The following NDST3 variants were observed in gnomAD, a reference collection of about 807,000 sequenced individuals.
NDST3 encodes bifunctional heparan sulfate N-deacetylase/N-sulfotransferase 3.
A neutral mutation model predicts 96.1 loss-of-function variants in NDST3; 58 were observed. The observed-to-expected ratio is 0.60, with a 90% confidence interval of 0.49 to 0.75. The LOEUF is 0.75. Ranked by LOEUF, NDST3 falls within the 30% of genes least tolerant of loss-of-function variation. The pLI is 0.00. For missense variants in NDST3, 788 were observed against 1,034.2 expected (o/e 0.76, Z 3.27); for synonymous variants, 333 against 359.7 (o/e 0.93, Z 0.84).
intron 6 of NDST3, among the ~76,000 whole-genome samples, chr4:118,218,742 A>G (rs946906037): frequency 6.6e-6 from 1 of 152,146 alleles, no homozygotes; most frequent in African/African-American, 2.4e-5. Flanking sequence ...GGAAGAGAGG[A>G]AGTCAAATTG....
intron 12 of NDST3, among the ~76,000 whole-genome samples, chr4:118,247,034 C>T (rs545599743): frequency 1.3e-5 from 2 of 152,220 alleles, no homozygotes; most frequent in South Asian, 4.1e-4. Context: ...CAGAATCTCA[C>T]TCAACAATCC....
chr4:118,241,767 T>C lies in NDST3; in HGVS notation c.2290-273T>C, dbSNP rs113398484. On this transcript the variant is annotated intron_variant, in intron 11 of 13. Transcript: ENST00000296499. ...AAGTTGGTTTCCATTTGTGATTTTCTAGTCACTTTTCTAAGCTCTCTTGGT... is the reference window on the plus strand; with the variant it reads ...AAGTTGGTTTCCATTTGTGATTTTCCAGTCACTTTTCTAAGCTCTCTTGGT... Among the ~76,000 whole-genome samples the C allele has an allele frequency of 6.9e-3, 1,042 of 152,058 alleles. 12 individuals carry two copies. The highest frequency in any genetic ancestry group is 0.023 in the African/African-American group (974 of 41,568).
At chr4:118,065,471 G>C (rs899420502) in intron 2 of NDST3, among the ~76,000 whole-genome samples, 2 of 151,960 alleles carry the variant, frequency 1.3e-5, no homozygotes, top group Non-Finnish European at 2.9e-5. Context: ...ACCAAAGATT[G>C]CTTGGTTGGA....
intron 3 of NDST3, among the ~76,000 whole-genome samples, chr4:118,106,564 A>G (rs1240459628): frequency 6.6e-6 from 1 of 152,066 alleles, no homozygotes; most frequent in African/African-American, 2.4e-5. Flanking sequence ...GGCAATGTAT[A>G]AATCTGTGAT....
intron 6 of NDST3, among the ~76,000 whole-genome samples, chr4:118,174,469 A>AAATATATAT (rs1304876970): frequency 6.6e-6 from 1 of 152,140 alleles, no homozygotes; most frequent in East Asian, 1.9e-4. Flanking sequence ...CAAAATTTTG[A>AAATATATAT]AATATATATT....
chr4:118,152,251 T>C (rs1734448041), intron 6 of NDST3, among the ~76,000 whole-genome samples: 1 of 152,154 alleles, frequency 6.6e-6, no homozygotes, highest in South Asian at 2.1e-4. Flanking sequence ...GCATTTGTCT[T>C]CCTGTATAGA....
chr4:118,129,875 G>C (rs1732461243), intron 4 of NDST3, among the ~76,000 whole-genome samples: 1 of 151,964 alleles, frequency 6.6e-6, no homozygotes, highest in South Asian at 2.1e-4. Context: ...CCAGAGTTGG[G>C]TGCATATATA....
At chr4:118,075,813 G>A (rs1458087518) in intron 2 of NDST3, among the ~76,000 whole-genome samples, 1 of 152,096 alleles carries the variant, frequency 6.6e-6, no homozygotes, top group African/African-American at 2.4e-5. Flanking sequence ...TTTGTCAGAT[G>A]GGTAGATTGC....
chr4:118,250,727 G>A (rs899758609), intron 12 of NDST3, among the ~76,000 whole-genome samples: 4 of 152,018 alleles, frequency 2.6e-5, no homozygotes, highest in African/African-American at 4.8e-5. Flanking sequence ...CAGCTGATCC[G>A]CCCACCTCAG....
chr4:118,119,458 A>T (rs987890067), intron 4 of NDST3, among the ~76,000 whole-genome samples: 4 of 152,184 alleles, frequency 2.6e-5, no homozygotes, highest in African/African-American at 9.7e-5. Context: ...TTGAACACAA[A>T]GTATAATTCT....
Position 118,148,780 on chromosome 4 carries a change from T to C in NDST3, c.1539+5096T>C, listed in dbSNP as rs377068179. ...TACATTGACCTAATGGGAAGTTTTA[T>C]GTTTCTTTTTTTGTTCGCTAGTTCT... On this transcript the variant is annotated intron_variant, in intron 6 of 13. Coordinates refer to ENST00000296499, the MANE Select transcript of NDST3 (RefSeq NM_004784.3). 9.2e-5 allele frequency among the ~76,000 whole-genome samples: 14 copies of C among 152,206 alleles called. No individual in the cohort carries two copies. In the East Asian group the frequency reaches 1.7e-3, roughly 19 times the overall value.
chr4:118,236,718 T>C (rs1282396966), intron 9 of NDST3, among the ~76,000 whole-genome samples: 1 of 152,234 alleles, frequency 6.6e-6, no homozygotes, highest in East Asian at 1.9e-4. Flanking sequence ...TTTTTCTCTG[T>C]ACAGTGTTTC....
intron 6 of NDST3, among the ~76,000 whole-genome samples, chr4:118,206,349 G>A (rs1031901165): frequency 6.9e-6 from 1 of 144,844 alleles, no homozygotes. Flanking sequence ...AACCTATTTG[G>A]ACCTTTAGGT....
intron 2 of NDST3, among the ~76,000 whole-genome samples, chr4:118,081,029 C>A (rs1201797330): frequency 1.3e-5 from 2 of 152,142 alleles, no homozygotes; most frequent in Non-Finnish European, 2.9e-5. Flanking sequence ...TCAAATCTCC[C>A]ATCTATATAA....
At chr4:118,064,894 C>T (rs1726183996) in intron 2 of NDST3, among the ~76,000 whole-genome samples, 1 of 152,166 alleles carries the variant, frequency 6.6e-6, no homozygotes, top group South Asian at 2.1e-4. Flanking sequence ...CTAGATTCCG[C>T]ACACATTCCT....
At chr4:118,193,889 G>A (rs1161190475) in intron 6 of NDST3, 6 of 1,016,498 alleles carry the variant, frequency 5.9e-6, no homozygotes, top group Non-Finnish European at 9.2e-6. Context: ...TTCTACCCAG[G>A]ACACAATCCT....
At chr4:118,167,185 C>T (rs1231468561) in intron 6 of NDST3, among the ~76,000 whole-genome samples, 1 of 151,718 alleles carries the variant, frequency 6.6e-6, no homozygotes, top group African/African-American at 2.4e-5. Flanking sequence ...CACATGCATG[C>T]ACACACACAA....
At chr4:118,100,823 G>T (rs1179541670) in intron 2 of NDST3, among the ~76,000 whole-genome samples, 29 of 152,090 alleles carry the variant, frequency 1.9e-4, no homozygotes, top group Admixed American at 1.9e-3. Flanking sequence ...TCTGAAATGG[G>T]AATAATAATC....
chr4:118,221,124 C>T (rs552233370), intron 6 of NDST3, among the ~76,000 whole-genome samples: 2 of 151,966 alleles, frequency 1.3e-5, no homozygotes, highest in East Asian at 1.9e-4. Flanking sequence ...TAAAACTTCC[C>T]AGTTGATTTG....
Sources: allele counts gnomAD v4.1 joint callset (sites outside exome capture counted in the v4.1 genomes callset), GRCh38; gene constraint gnomAD v4.1.1; transcripts MANE v1.5; gene names NCBI Gene and HGNC (gene_info 2026-07-23, HGNC 2026-07-21).